The following EYS variants were observed in gnomAD, a reference collection of about 807,000 sequenced individuals.
The protein encoded by EYS is protein eyes shut homolog.
In EYS, 250 loss-of-function variants were observed where a neutral mutation model predicts 282.1. The ratio of observed to expected loss-of-function variants is 0.89; its 90% CI spans 0.80 to 0.98. The LOEUF (loss-of-function observed/expected upper bound fraction) is 0.98, where lower values mean the gene tolerates loss of function less well. EYS is among the 50% of genes least tolerant of loss of function. The probability of loss-of-function intolerance (pLI) is 0.00; values close to 1 mark genes in which losing one functional copy is unlikely to be tolerated. For missense variants in EYS, 4,016 were observed against 3,709.0 expected (o/e 1.08, Z -2.15); for synonymous variants, 1,355 against 1,282.9 (o/e 1.06, Z -1.20).
intron 29 of EYS, among the ~76,000 whole-genome samples, chr6:64,337,006 C>T (rs1200221195): frequency 1.3e-5 from 2 of 151,948 alleles, no homozygotes; most frequent in African/African-American, 4.8e-5. Context: ...TAGCCCTAAA[C>T]ACCTACATCA....
chr6:65,402,440 G>GT (rs760185587), intron 7 of EYS, 38 bp downstream of exon 7: 21 of 1,343,104 alleles, frequency 1.6e-5, no homozygotes, highest in Non-Finnish European at 2.1e-5. Context: ...AAAAATCCAT[G>GT]TACTTTGTAT....
chr6:64,072,852 G>C (rs966942088), intron 32 of EYS, among the ~76,000 whole-genome samples: 8 of 151,982 alleles, frequency 5.3e-5, no homozygotes, highest in African/African-American at 1.9e-4. Flanking sequence ...TATAGTGTAG[G>C]GTAGAACAGA....
At chr6:63,806,058 G>C (rs1039683243) in intron 37 of EYS, 132 bp downstream of exon 37, 1 of 718,762 alleles carries the variant, frequency 1.4e-6, no homozygotes. Flanking sequence ...CATGCTCAAG[G>C]CAGAAAACAG....
chr6:65,106,029 A>G (rs1775025611), intron 12 of EYS, among the ~76,000 whole-genome samples: 2 of 152,102 alleles, frequency 1.3e-5, no homozygotes, highest in South Asian at 4.1e-4. Context: ...CTTACAGACC[A>G]TACAGCAGCA....
Position 65,495,631 on chromosome 6 carries a change from T to C in EYS, c.-197-24A>G, listed in dbSNP as rs1477532465. 1.8e-5 allele frequency: 11 copies of C among 595,086 alleles called. No homozygotes were observed. In the South Asian group the frequency reaches 1.9e-4, roughly 10 times the overall value. The allele number at this position is 595,086 out of a possible 1,614,324, so 36.9% of individuals were successfully genotyped here. A position where few individuals can be genotyped will look rare whatever the true frequency, so the allele number is the denominator to read the frequency against. ...TCCTTTAAACAGAAAAAAACATATA[T>C]TGTTAGTGAAGTTTTCCCTAAATTA... is the stretch of plus-strand genomic sequence containing the variant. On this transcript the variant is annotated intron_variant, in intron 3 of 42. Transcript: ENST00000503581.
chr6:64,096,298 G>T (rs1020668398), intron 31 of EYS, among the ~76,000 whole-genome samples: 1 of 152,176 alleles, frequency 6.6e-6, no homozygotes, highest in Non-Finnish European at 1.5e-5. Context: ...ATGTTGGCCT[G>T]CCTTGCTAGA....
At position 63,726,583 on chromosome 6, in the gene EYS, CT is replaced by C. The variant is rs1168101857; in HGVS notation, c.8168del (p.Gln2723ArgfsTer18). ...TACCATCTGCAGCGAGAGGCTGAAA[CT>C]GCAATTGAATATGTGTCTTTTTTCG... ...HVRKKTHIQL[Q>X]FQPLAADGIL... is the part of the protein sequence containing the mutation. On this transcript the variant is annotated frameshift_variant, in exon 42 of 43. Coordinates refer to ENST00000503581, the MANE Select transcript of EYS (RefSeq NM_001142800.2). LOFTEE classifies it high-confidence loss of function. The C allele has an allele frequency of 2.6e-6, 4 of 1,551,330 alleles. No individual in the cohort carries two copies. The highest frequency in any genetic ancestry group is 2.0e-5 in the Admixed American group (1 of 50,990).
chr6:65,034,655 C>G (rs1258207387), intron 13 of EYS, among the ~76,000 whole-genome samples: 1 of 152,128 alleles, frequency 6.6e-6, no homozygotes, highest in Non-Finnish European at 1.5e-5. Flanking sequence ...TCTGAGGCCT[C>G]CTTAGAAGCT....
chr6:64,306,988 T>C lies in EYS; in HGVS notation c.6173A>G (p.Tyr2058Cys), dbSNP rs1486367630. The change falls in exon 30 of 43, where the codon TAT (tyrosine) becomes TGT (cysteine). Residue 2058 changes from tyrosine to cysteine, a missense_variant. Coordinates refer to ENST00000503581, the MANE Select transcript of EYS (RefSeq NM_001142800.2). ...ATTTTACCTGCAATTGTTAATGTGATAGTTTTTCACTGCCTTGGATGGAAT... is the reference window on the plus strand; with the variant it reads ...ATTTTACCTGCAATTGTTAATGTGACAGTTTTTCACTGCCTTGGATGGAAT... ...SFIPSKAVKN[Y>C]HINNCRSQGF... The C allele has an allele frequency of 4.0e-6, 6 of 1,512,788 alleles. No individual in the cohort carries two copies. The South Asian group carries it at 4.8e-5, about 12-fold the overall frequency. 93.7% of individuals were successfully genotyped at this position (1,512,788 alleles called of 1,614,324 possible). A position where few individuals can be genotyped will look rare whatever the true frequency, so the allele number is the denominator to read the frequency against.
intron 13 of EYS, among the ~76,000 whole-genome samples, chr6:65,023,115 TA>T (rs1379420318): frequency 6.6e-6 from 1 of 152,194 alleles, no homozygotes; most frequent in African/African-American, 2.4e-5. Context: ...GTGAATATCC[TA>T]AAATCCATTG....
intron 35 of EYS, among the ~76,000 whole-genome samples, chr6:63,928,569 G>C (rs1010056737): frequency 6.6e-6 from 1 of 151,932 alleles, no homozygotes; most frequent in Non-Finnish European, 1.5e-5. Context: ...CGCATGCGTA[G>C]GTGCTGAGGT....
intron 2 of EYS, among the ~76,000 whole-genome samples, chr6:65,510,274 T>C (rs1766819259): frequency 1.3e-5 from 2 of 150,416 alleles, no homozygotes. Flanking sequence ...GTGTTTGGTT[T>C]TTTGTTCTTG....
chr6:65,185,846 A>G (rs1765504503), intron 12 of EYS, among the ~76,000 whole-genome samples: 1 of 151,748 alleles, frequency 6.6e-6, no homozygotes, highest in Admixed American at 6.6e-5. Flanking sequence ...TTTATTTAAA[A>G]GTTACATAGA....
At chr6:64,654,281 A>T (rs894012315) in intron 22 of EYS, among the ~76,000 whole-genome samples, 2 of 152,240 alleles carry the variant, frequency 1.3e-5, no homozygotes, top group African/African-American at 4.8e-5. Context: ...CACTTTTACA[A>T]ATAATATGCA....
intron 36 of EYS, among the ~76,000 whole-genome samples, chr6:63,861,555 A>G (rs969786276): frequency 6.6e-6 from 1 of 152,180 alleles, no homozygotes; most frequent in African/African-American, 2.4e-5. Flanking sequence ...AAGGCCCTAT[A>G]TGATCTAGGC....
intron 29 of EYS, among the ~76,000 whole-genome samples, chr6:64,346,530 C>T (rs1194314811): frequency 1.3e-5 from 2 of 150,874 alleles, no homozygotes; most frequent in African/African-American, 4.9e-5. Flanking sequence ...GGAAGGGGAA[C>T]ATCACACACC....
At chr6:65,245,303 G>A (rs1178754041) in intron 12 of EYS, among the ~76,000 whole-genome samples, 1 of 152,092 alleles carries the variant, frequency 6.6e-6, no homozygotes, top group Non-Finnish European at 1.5e-5. Flanking sequence ...GATACATCAA[G>A]TACACTGATT....
chr6:64,415,588 A>G (rs1418588577), intron 28 of EYS, among the ~76,000 whole-genome samples: 1 of 152,200 alleles, frequency 6.6e-6, no homozygotes, highest in Non-Finnish European at 1.5e-5. Flanking sequence ...TTCTGAGGGT[A>G]CAATGTTCTG....
At chr6:64,149,855 A>G (rs780154023) in intron 31 of EYS, among the ~76,000 whole-genome samples, 1 of 152,174 alleles carries the variant, frequency 6.6e-6, no homozygotes, top group Non-Finnish European at 1.5e-5. Flanking sequence ...CTGAGCATGG[A>G]TGTTAACACG....
Sources: gnomAD v4.1 joint callset for allele counts (sites outside exome capture counted in the v4.1 genomes callset) on GRCh38, gnomAD v4.1.1 for gene constraint, MANE v1.5 for transcripts, NCBI Gene and HGNC (gene_info 2026-07-23, HGNC 2026-07-21) for gene names.